KLF12: variants seen among roughly 807,000 people sequenced by gnomAD.
The protein encoded by KLF12 is KLF transcription factor 12.
In KLF12, 9 loss-of-function variants were observed where a neutral mutation model predicts 37.8. The observed-to-expected ratio is 0.24, with a 90% CI of 0.14 to 0.42. The LOEUF (loss-of-function observed/expected upper bound fraction) is 0.42. KLF12 is among the 10% of genes least tolerant of loss of function. The pLI, the probability that KLF12 is intolerant of heterozygous loss-of-function variation, is 1.00. For synonymous variants in KLF12, 208 were observed against 202.1 expected, an observed-to-expected ratio of 1.03 and a Z score of -0.25; for missense variants, 411 against 516.0, an observed-to-expected ratio of 0.80 and a Z score of 1.97.
At chr13:74,263,926 T>C in the KLF12 span, among the ~76,000 whole-genome samples, 10 of 152,096 alleles carry the variant, frequency 6.6e-5, no homozygotes, top group African/African-American at 2.4e-4. Flanking sequence ...TATAGCCAGG[T>C]TTGTTTTTTT....
intron 5 of KLF12, among the ~76,000 whole-genome samples, chr13:73,804,881 C>G (rs1054974): frequency 2.0e-5 from 3 of 152,026 alleles, no homozygotes; most frequent in South Asian, 2.1e-4. Flanking sequence ...TAAATAAAAA[C>G]GAAGCATCTT....
Position 73,937,797 on chromosome 13 carries a change from T to C in KLF12, c.123+6184A>G, listed in dbSNP as rs938868902. Among the ~76,000 whole-genome samples the C allele has an allele frequency of 7.2e-5, 11 of 152,344 alleles. 1 individual carries two copies. The highest frequency in any genetic ancestry group is 3.4e-3 in the Middle Eastern group (1 of 294). ...ATTGATTTTCAATTCCTTGTATTAA[T>C]ATATTTATTGGCCATTCTGACATTA... On this transcript the variant is annotated intron_variant, in intron 3 of 7. Coordinates refer to ENST00000377669, the MANE Select transcript of KLF12 (RefSeq NM_007249.5).
At chr13:74,210,323 T>C in the KLF12 span, among the ~76,000 whole-genome samples, 2 of 152,186 alleles carry the variant, frequency 1.3e-5, no homozygotes, top group African/African-American at 4.8e-5. Context: ...AATTTTAAAA[T>C]TTTTTCATCA....
chr13:74,082,463 T>C (rs571361335), intron 1 of KLF12, among the ~76,000 whole-genome samples: 4 of 152,292 alleles, frequency 2.6e-5, no homozygotes, highest in Non-Finnish European at 4.4e-5. Context: ...ATTCTATCAA[T>C]AGTCTATCAA....
At chr13:73,730,473 T>C (rs921628311) in intron 6 of KLF12, among the ~76,000 whole-genome samples, 3 of 152,230 alleles carry the variant, frequency 2.0e-5, no homozygotes, top group Non-Finnish European at 2.9e-5. Flanking sequence ...ACCAAGAATT[T>C]TGTTCTGGAG....
intron 1 of KLF12, among the ~76,000 whole-genome samples, chr13:74,015,928 C>T (rs1013941333): frequency 3.3e-5 from 5 of 152,066 alleles, no homozygotes; most frequent in Admixed American, 6.6e-5. Flanking sequence ...AGATACTATC[C>T]TTTTATCATG....
chr13:74,006,138 AC>A (rs1430880975), intron 1 of KLF12, among the ~76,000 whole-genome samples: 1 of 152,096 alleles, frequency 6.6e-6, no homozygotes, highest in African/African-American at 2.4e-5. Flanking sequence ...TGTAATCACA[AC>A]CTATTAACTA....
chr13:74,123,656 C>G (rs1877768603), intron 1 of KLF12, among the ~76,000 whole-genome samples: 1 of 152,172 alleles, frequency 6.6e-6, no homozygotes, highest in Admixed American at 6.5e-5. Flanking sequence ...ATTCTTTCTA[C>G]CTTTTTAAAG....
chr13:74,056,052 T>C (rs1873225735), intron 1 of KLF12, among the ~76,000 whole-genome samples: 1 of 152,164 alleles, frequency 6.6e-6, no homozygotes, highest in African/African-American at 2.4e-5. Context: ...TGCAGACACC[T>C]GCAGATACTT....
At chr13:73,842,181 T>C (rs1389058749) in intron 4 of KLF12, among the ~76,000 whole-genome samples, 1 of 152,106 alleles carries the variant, frequency 6.6e-6, no homozygotes, top group African/African-American at 2.4e-5. Context: ...CCCCACCCCT[T>C]CCCAAACCCT....
intron 3 of KLF12, among the ~76,000 whole-genome samples, chr13:73,914,810 A>T (rs1888740319): frequency 1.3e-5 from 2 of 151,888 alleles, no homozygotes; most frequent in Non-Finnish European, 2.9e-5. Context: ...TTATGTTTTC[A>T]TCTTTTTTTT....
At chr13:73,891,046 T>A (rs1269615360) in intron 3 of KLF12, among the ~76,000 whole-genome samples, 2 of 152,068 alleles carry the variant, frequency 1.3e-5, no homozygotes, top group Non-Finnish European at 1.5e-5. Flanking sequence ...TATGCAATGT[T>A]GAAGATTAAA....
At chr13:74,136,028 A>G (rs938570968), upstream of KLF12, among the ~76,000 whole-genome samples, 2 of 152,178 alleles carry the variant, frequency 1.3e-5, no homozygotes, top group African/African-American at 4.8e-5. Flanking sequence ...GGGTGGTCCA[A>G]CCTAGAGGAG....
the KLF12 span, among the ~76,000 whole-genome samples, chr13:74,201,100 A>C: frequency 1.3e-5 from 2 of 152,158 alleles, no homozygotes; most frequent in African/African-American, 4.8e-5. Flanking sequence ...GCCTTCTCTT[A>C]TTAAATTATT....
chr13:73,921,473 A>AT (rs1364292598), intron 3 of KLF12, among the ~76,000 whole-genome samples: 12 of 151,986 alleles, frequency 7.9e-5, no homozygotes, highest in African/African-American at 2.7e-4. Flanking sequence ...CTAACTCAAT[A>AT]TTTTTTCATT....
At chr13:73,716,721 A>G (rs1323137911) in intron 6 of KLF12, among the ~76,000 whole-genome samples, 1 of 152,136 alleles carries the variant, frequency 6.6e-6, no homozygotes, top group African/African-American at 2.4e-5. Context: ...CATGCTGTTT[A>G]TATCATTCTG....
intron 3 of KLF12, among the ~76,000 whole-genome samples, chr13:73,931,290 C>A (rs1330318622): frequency 1.3e-5 from 2 of 152,132 alleles, no homozygotes; most frequent in Non-Finnish European, 2.9e-5. Context: ...ATTATGTATA[C>A]AATTTCACTT....
At chr13:73,948,316 G>A (rs1890518035) in intron 2 of KLF12, among the ~76,000 whole-genome samples, 1 of 152,086 alleles carries the variant, frequency 6.6e-6, no homozygotes, top group Non-Finnish European at 1.5e-5. Context: ...CTGCCTCCCA[G>A]GGTCAAGCAA....
In KLF12 at chr13:73,856,823, C is replaced by G. The variant is rs1399143258; in HGVS notation, c.124-10450G>C. ...CGTCAACATGGTGAAACCGTCTCTACTAAAAATACAACAATTAGCTGGGTG... is the reference window on the plus strand; with the variant it reads ...CGTCAACATGGTGAAACCGTCTCTAGTAAAAATACAACAATTAGCTGGGTG... On this transcript the variant is annotated intron_variant, in intron 3 of 7. Coordinates refer to ENST00000377669, the MANE Select transcript of KLF12 (RefSeq NM_007249.5). Among the ~76,000 whole-genome samples, 3 of 151,900 alleles carry G rather than the reference C, an allele frequency of 2.0e-5. No homozygotes were observed. The East Asian group carries it at 5.8e-4, about 29-fold the overall frequency.
Sources: gnomAD v4.1 joint callset for allele counts (sites outside exome capture counted in the v4.1 genomes callset) on GRCh38, gnomAD v4.1.1 for gene constraint, MANE v1.5 for transcripts, NCBI Gene and HGNC (gene_info 2026-07-23, HGNC 2026-07-21) for gene names.